The following FHIP2A variants were observed in gnomAD, a reference collection of about 807,000 sequenced individuals.
The protein encoded by FHIP2A is FHF complex subunit HOOK interacting protein 2A.
In FHIP2A, 46 loss-of-function variants were observed where a neutral mutation model predicts 93.5. That is an observed-to-expected ratio of 0.49 (90% confidence interval 0.39 to 0.63). FHIP2A has a LOEUF of 0.63. FHIP2A is among the 20% of genes least tolerant of loss of function. The pLI, the probability that FHIP2A is intolerant of heterozygous loss-of-function variation, is 0.00. For synonymous variants in FHIP2A, 332 were observed against 326.5 expected (o/e 1.02, Z -0.18); for missense variants, 769 against 909.7 (o/e 0.85, Z 1.99).
rs757068666 is a variant in FHIP2A, at chr10:114,822,068, C to G, written c.-11C>G. ...TCGTCCCGGGAGAGGCTGCTGCAGTCCCGGGACAGGATGTTCTCCAAGTTC... is the reference window on the plus strand; with the variant it reads ...TCGTCCCGGGAGAGGCTGCTGCAGTGCCGGGACAGGATGTTCTCCAAGTTC... On this transcript the variant is annotated 5_prime_UTR_variant, in exon 1 of 17. Coordinates refer to ENST00000369248, the MANE Select transcript of FHIP2A (RefSeq NM_020940.4). The G allele has an allele frequency of 7.5e-7, 1 of 1,329,398 alleles. No individual in the cohort carries two copies. Among genetic ancestry groups the G allele is most frequent in the South Asian group, 1.9e-5 (1 of 53,624 alleles). The allele number at this position is 1,329,398 out of a possible 1,614,324, so 82.4% of individuals were successfully genotyped here. A position where few individuals can be genotyped will look rare whatever the true frequency, so the allele number is the denominator to read the frequency against.
rs370901327 is a variant in FHIP2A, at chr10:114,829,096, GT to G, written c.46-1753del. 1.1e-4 allele frequency among the ~76,000 whole-genome samples: 17 copies of G among 152,312 alleles called. No homozygotes were observed. The East Asian group carries it at 3.1e-3, about 28-fold the overall frequency. On this transcript the variant is annotated intron_variant, in intron 1 of 16. Transcript: ENST00000369248. ...TAACATGACCTCTTTTAGGTCATCT[GT>G]TTAGAGGAAGTCTATGAAAATGGAC...
At chr10:114,823,201 A>G (rs896333698) in intron 1 of FHIP2A, among the ~76,000 whole-genome samples, 2 of 152,228 alleles carry the variant, frequency 1.3e-5, no homozygotes, top group Non-Finnish European at 2.9e-5. Flanking sequence ...GCCTTCAGTA[A>G]TAAAAACAAA....
downstream of FHIP2A, among the ~76,000 whole-genome samples, chr10:114,865,722 C>T (rs7895551): frequency 0.32 from 48,204 of 151,428 alleles, 8,231 homozygotes; most frequent in Non-Finnish European, 0.39. Flanking sequence ...ACTAGTAATC[C>T]CAAGGGAATT....
chr10:114,883,310 T>A (rs1181707054), intron 16 of FHIP2A, among the ~76,000 whole-genome samples: 1 of 152,132 alleles, frequency 6.6e-6, no homozygotes, highest in Non-Finnish European at 1.5e-5. Flanking sequence ...GAAGAGTGGC[T>A]TTGGACATCA....
At chr10:114,845,558 T>C in intron 8 of FHIP2A, 77 bp downstream of exon 8, 1 of 817,942 alleles carries the variant, frequency 1.2e-6, no homozygotes, top group East Asian at 2.7e-5. Flanking sequence ...CCCTAATTTA[T>C]ATCCCAAATA....
At chr10:114,842,280 G>A (rs982482446) in intron 5 of FHIP2A, among the ~76,000 whole-genome samples, 2 of 152,002 alleles carry the variant, frequency 1.3e-5, no homozygotes, top group African/African-American at 4.8e-5. Context: ...GCCCCATCTA[G>A]TCTCGAATTC....
intron 16 of FHIP2A, among the ~76,000 whole-genome samples, chr10:114,895,186 A>T (rs1241997545): frequency 6.6e-6 from 1 of 152,226 alleles, no homozygotes; most frequent in South Asian, 2.1e-4. Flanking sequence ...CTTCCTGCTG[A>T]CAATGCATCA....
At chr10:114,822,329 G>A (rs1008636181) in intron 1 of FHIP2A, among the ~76,000 whole-genome samples, 13 of 151,630 alleles carry the variant, frequency 8.6e-5, no homozygotes, top group African/African-American at 3.1e-4. Context: ...CGGGGGTCCC[G>A]TCGGTCCCTG....
chr10:114,883,691 C>T (rs2083927908), intron 16 of FHIP2A, among the ~76,000 whole-genome samples: 1 of 152,208 alleles, frequency 6.6e-6, no homozygotes, highest in Non-Finnish European at 1.5e-5. Flanking sequence ...AAACGATTCT[C>T]TTGTCTCAGC....
In FHIP2A at chr10:114,843,900, C is replaced by A. The variant is rs1592018814; in HGVS notation, c.976C>A (p.Pro326Thr). 6.3e-7 allele frequency: 1 copy of A among 1,587,192 alleles called. No homozygotes were observed. Among genetic ancestry groups the A allele is most frequent in the Non-Finnish European group, 8.5e-7 (1 of 1,173,004 alleles). Residue 326 changes from proline to threonine, a missense_variant, in exon 7 of 17, where the codon CCG (proline) becomes ACG (threonine). By Grantham distance (38) the Pro-to-Thr change is conservative. Transcript: ENST00000369248. Reference sequence around the variant, plus strand: ...CAAGGCCCTACCTCAGTCAGTGGATCCGTTAGATATTGAAACCGTGGAAGC... The same window carrying A: ...CAAGGCCCTACCTCAGTCAGTGGATACGTTAGATATTGAAACCGTGGAAGC... Reference protein sequence around the residue: ...LYKALPQSVDPLDIETVEAIN... With the variant: ...LYKALPQSVDTLDIETVEAIN...
Position 114,864,313 on chromosome 10 carries a change from C to G in FHIP2A, c.*2773C>G, listed in dbSNP as rs890001693. 1.0e-6 allele frequency: 1 copy of G among 985,144 alleles called. No individual in the cohort carries two copies. The highest frequency in any genetic ancestry group is 1.7e-5 in the African/African-American group (1 of 57,192). 61.0% of individuals were successfully genotyped at this position (985,144 alleles called of 1,614,324 possible). On this transcript the variant is annotated 3_prime_UTR_variant, in exon 17 of 17. Transcript: ENST00000369248. Reference sequence around the variant, plus strand: ...CCATCAGTATTGACAGAAGACGTTACAGTGAAGTGCTAAAACCACACTATA... The same window carrying G: ...CCATCAGTATTGACAGAAGACGTTAGAGTGAAGTGCTAAAACCACACTATA...
At chr10:114,858,435 G>A (rs2083779403) in intron 14 of FHIP2A, among the ~76,000 whole-genome samples, 2 of 152,112 alleles carry the variant, frequency 1.3e-5, no homozygotes, top group South Asian at 4.1e-4. Flanking sequence ...AGTCTAAATA[G>A]TAATGTATTT....
Position 114,862,071 on chromosome 10 carries a change from T to C in FHIP2A, c.*531T>C. The stretch of plus-strand genomic sequence containing the variant: ...CAGAAACCATTGAATGAATTAATTA[T>C]AGGCGATAAAAATGTGTAGAGCACC... On this transcript the variant is annotated 3_prime_UTR_variant, in exon 17 of 17. Coordinates refer to ENST00000369248, the MANE Select transcript of FHIP2A (RefSeq NM_020940.4). 1 of 961,074 alleles carries C rather than the reference T, an allele frequency of 1.0e-6. No individual in the cohort carries two copies. Among genetic ancestry groups the C allele is most frequent in the Non-Finnish European group, 1.2e-6 (1 of 807,510 alleles). 59.5% of individuals were successfully genotyped at this position (961,074 alleles called of 1,614,324 possible).
chr10:114,859,894 C>T (rs1443605023), intron 14 of FHIP2A, among the ~76,000 whole-genome samples: 1 of 152,152 alleles, frequency 6.6e-6, no homozygotes, highest in African/African-American at 2.4e-5. Context: ...GGCATAGGGT[C>T]GTCATCAGTT....
rs1359143088 is a variant in FHIP2A at position 114,863,625 on chromosome 10, C to G, written c.*2085C>G. ...TGTTTCTAAGTTTCTGTTTTTCATC[C>G]CTTCTTTTTTCTTTTATATTTAGTT... On this transcript the variant is annotated 3_prime_UTR_variant, in exon 17 of 17. Coordinates refer to ENST00000369248, the MANE Select transcript of FHIP2A (RefSeq NM_020940.4). 3.9e-6 allele frequency: 5 copies of G among 1,277,296 alleles called. No homozygotes were observed. In the African/African-American group the frequency reaches 6.2e-5, roughly 16 times the overall value. 79.1% of individuals were successfully genotyped at this position (1,277,296 alleles called of 1,614,324 possible). A position where few individuals can be genotyped will look rare whatever the true frequency, so the allele number is the denominator to read the frequency against.
At chr10:114,885,688 C>A (rs1268779369) in intron 16 of FHIP2A, among the ~76,000 whole-genome samples, 1 of 152,200 alleles carries the variant, frequency 6.6e-6, no homozygotes, top group Admixed American at 6.5e-5. Context: ...CTAATCAGTC[C>A]AGTTTTATTG....
chr10:114,887,055 C>G (rs1298495633), intron 16 of FHIP2A, among the ~76,000 whole-genome samples: 2 of 152,126 alleles, frequency 1.3e-5, no homozygotes, highest in African/African-American at 4.8e-5. Context: ...GGCCATGATT[C>G]CATGCATTTC....
chr10:114,840,878 G>A (rs1392752770), intron 5 of FHIP2A, among the ~76,000 whole-genome samples: 8 of 152,148 alleles, frequency 5.3e-5, no homozygotes, highest in Non-Finnish European at 1.0e-4. Flanking sequence ...TCTTTGATTT[G>A]GGAGGGAAGT....
At chr10:114,830,270 CTT>C (rs5788083) in intron 1 of FHIP2A, among the ~76,000 whole-genome samples, 1,662 of 105,452 alleles carry the variant, frequency 0.016, 11 homozygotes, top group Non-Finnish European at 0.024. Flanking sequence ...CTGAAACCTA[CTT>C]TTTTTTTTTT....
Sources: allele counts gnomAD v4.1 joint callset (sites outside exome capture counted in the v4.1 genomes callset), GRCh38; gene constraint gnomAD v4.1.1; transcripts MANE v1.5; gene names NCBI Gene and HGNC (gene_info 2026-07-23, HGNC 2026-07-21).